Variants in KANK1 observed in about 807,000 individuals in gnomAD.
KANK1 encodes KN motif and ankyrin repeat domains 1.
In KANK1, 109 loss-of-function variants were observed where a neutral mutation model predicts 106.2. That is an observed-to-expected ratio of 1.03 (90% CI 0.88 to 1.20). The LOEUF is 1.20. KANK1 is among the 50% of genes most tolerant of loss of function. KANK1 has a pLI of 0.00. For synonymous variants in KANK1, 873 were observed against 652.2 expected, an observed-to-expected ratio of 1.34 and a Z score of -5.16; for missense variants, 2,399 against 1,710.7, an observed-to-expected ratio of 1.40 and a Z score of -7.10.
At chr9:702,566 A>G (rs560723064) in intron 2 of KANK1, among the ~76,000 whole-genome samples, 1 of 152,328 alleles carries the variant, frequency 6.6e-6, no homozygotes, top group Admixed American at 6.5e-5. Flanking sequence ...ATCAATATCA[A>G]TTATAAATGT....
At chr9:687,040 T>TTTTC (rs1818747745) in intron 2 of KANK1, 6 of 416,028 alleles carry the variant, frequency 1.4e-5, no homozygotes, top group African/African-American at 6.2e-5. Context: ...CTTTTCTTTT[T>TTTTC]TTTTAATACT....
At chr9:564,786 A>C (rs7019523) in intron 1 of KANK1, among the ~76,000 whole-genome samples, 12,385 of 152,212 alleles carry the variant, frequency 0.081, 1,384 homozygotes, top group African/African-American at 0.24. Flanking sequence ...TATTCTTGAG[A>C]GTCAGCATCT....
chr9:642,601 C>G (rs1415312715), intron 1 of KANK1, among the ~76,000 whole-genome samples: 1 of 150,792 alleles, frequency 6.6e-6, no homozygotes, highest in Non-Finnish European at 1.5e-5. Flanking sequence ...TATATTTTTT[C>G]TATGAATTAC....
intron 1 of KANK1, among the ~76,000 whole-genome samples, chr9:556,794 C>A (rs1408270929): frequency 6.6e-6 from 1 of 152,064 alleles, no homozygotes; most frequent in Non-Finnish European, 1.5e-5. Context: ...CAATTTAATT[C>A]TTTTAGTTGA....
chr9:490,521 T>C (rs991800149), intron 3 of KANK1, among the ~76,000 whole-genome samples: 2 of 152,122 alleles, frequency 1.3e-5, no homozygotes, highest in African/African-American at 2.4e-5. Flanking sequence ...CTAATAATAA[T>C]AATAATAACA....
intron 1 of KANK1, among the ~76,000 whole-genome samples, chr9:562,046 T>C (rs920806319): frequency 2.2e-5 from 3 of 137,334 alleles, no homozygotes; most frequent in East Asian, 2.0e-4. Flanking sequence ...CATTTTCTTT[T>C]TTTTTTTTTT....
At chr9:501,778 C>T (rs967543998), upstream of KANK1, among the ~76,000 whole-genome samples, 12 of 152,272 alleles carry the variant, frequency 7.9e-5, no homozygotes, top group Admixed American at 7.8e-4. Flanking sequence ...CAATCCAATT[C>T]CTGGGCTCAA....
chr9:587,887 G>T (rs1202809160), intron 1 of KANK1, among the ~76,000 whole-genome samples: 1 of 152,106 alleles, frequency 6.6e-6, no homozygotes, highest in African/African-American at 2.4e-5. Flanking sequence ...CCAACATGGC[G>T]AAACCCCGTC....
chr9:556,368 T>G (rs1250390188), intron 1 of KANK1, among the ~76,000 whole-genome samples: 1 of 152,220 alleles, frequency 6.6e-6, no homozygotes, highest in Non-Finnish European at 1.5e-5. Context: ...TTAGGGAACC[T>G]TGGTTTCTGA....
intron 1 of KANK1, among the ~76,000 whole-genome samples, chr9:662,341 G>A (rs1588680706): frequency 6.6e-6 from 1 of 152,162 alleles, no homozygotes; most frequent in South Asian, 2.1e-4. Flanking sequence ...AAGTTCATAT[G>A]GAACCAAAAA....
intron 1 of KANK1, among the ~76,000 whole-genome samples, chr9:605,396 AT>A (rs1486976686): frequency 1.3e-5 from 2 of 151,768 alleles, no homozygotes; most frequent in African/African-American, 4.9e-5. Context: ...TAAGCTCTGA[AT>A]TCAGATGAAG....
At chr9:546,706 C>T (rs1369162066) in intron 1 of KANK1, among the ~76,000 whole-genome samples, 1 of 150,896 alleles carries the variant, frequency 6.6e-6, no homozygotes, top group Admixed American at 6.6e-5. Flanking sequence ...GCAAGGCAAT[C>T]TTGTGTCCTT....
intron 1 of KANK1, among the ~76,000 whole-genome samples, chr9:650,718 A>G (rs1427924522): frequency 4.6e-5 from 7 of 152,082 alleles, no homozygotes; most frequent in Admixed American, 3.9e-4. Flanking sequence ...TGTAAAGCTT[A>G]AGTATTGTCC....
chr9:676,956 A>G lies in KANK1; in HGVS notation c.-17A>G, dbSNP rs769480296. 5.6e-6 allele frequency: 9 copies of G among 1,612,590 alleles called. No individual in the cohort carries two copies. The highest frequency in any genetic ancestry group is 3.3e-4 in the Middle Eastern group (2 of 6,060). The stretch of plus-strand genomic sequence containing the variant: ...CTCCTCACTCCTTTCTGGATCTCTC[A>G]TTGGACTCAAGCCAGCATGGCTCAC... On this transcript the variant is annotated 5_prime_UTR_variant, in exon 2 of 12. Transcript: ENST00000382297.
chr9:487,881 C>CT (rs1187419925), intron 3 of KANK1: 3 of 152,168 alleles, frequency 2.0e-5, no homozygotes, highest in Admixed American at 2.0e-4. Context: ...CCCTAAGAGT[C>CT]TAAGACACAG....
intron 1 of KANK1, chr9:674,037 T>C (rs1815849749): frequency 6.6e-6 from 1 of 152,114 alleles, no homozygotes; most frequent in Admixed American, 6.5e-5. Flanking sequence ...TAAAACTGCG[T>C]TTGTCAGAAA....
intron 2 of KANK1, among the ~76,000 whole-genome samples, chr9:678,716 A>G (rs144799878): frequency 0.013 from 1,986 of 152,224 alleles, 49 homozygotes; most frequent in African/African-American, 0.046. Flanking sequence ...ACAGAGTGAG[A>G]CTCCATATCA....
At chr9:566,781 T>G (rs1252304619) in intron 1 of KANK1, among the ~76,000 whole-genome samples, 1 of 151,788 alleles carries the variant, frequency 6.6e-6, no homozygotes, top group Admixed American at 6.6e-5. Context: ...TTTGCCAAAA[T>G]TTTCTCCCAT....
intron 3 of KANK1, chr9:495,350 A>G (rs1312419531): frequency 1.3e-5 from 2 of 152,244 alleles, no homozygotes; most frequent in African/African-American, 2.4e-5. Context: ...TAGAGATACC[A>G]GGTCTCAATC....
Sources: allele counts gnomAD v4.1 joint callset (sites outside exome capture counted in the v4.1 genomes callset), GRCh38; gene constraint gnomAD v4.1.1; transcripts MANE v1.5; gene names NCBI Gene and HGNC (gene_info 2026-07-23, HGNC 2026-07-21).